DACH1: variants seen among roughly 807,000 people sequenced by gnomAD.
DACH1 encodes the protein dachshund homolog 1.
A neutral mutation model predicts 54.2 loss-of-function variants in DACH1; 12 were observed. That is an observed-to-expected ratio of 0.22 (90% CI 0.14 to 0.36). The LOEUF (loss-of-function observed/expected upper bound fraction) is 0.36, where lower values mean the gene tolerates loss of function less well. DACH1 is among the 10% of genes least tolerant of loss of function. The probability of loss-of-function intolerance (pLI) is 1.00; values close to 1 mark genes in which losing one functional copy is unlikely to be tolerated. For missense variants in DACH1, 805 were observed against 929.8 expected, an observed-to-expected ratio of 0.87 and a Z score of 1.75; for synonymous variants, 386 against 366.2, an observed-to-expected ratio of 1.05 and a Z score of -0.62.
intron 1 of DACH1, among the ~76,000 whole-genome samples, chr13:71,827,868 CT>C (rs1251431194): frequency 6.6e-6 from 1 of 151,930 alleles, no homozygotes; most frequent in East Asian, 1.9e-4. Context: ...GCCTGGGCTC[CT>C]TTTTTGAAAA....
rs550925998 is a variant in DACH1, at chr13:71,827,188, C to T, written c.848+38734G>A. ...CCAGCATGCAAATCCATTTTTATGC[C>T]TCTAAACACAGCTTACTAGTTCCAC... On this transcript the variant is annotated intron_variant, in intron 1 of 10. Transcript: ENST00000613252. Among the ~76,000 whole-genome samples the T allele has an allele frequency of 2.6e-5, 4 of 152,080 alleles. No individual in the cohort carries two copies. The South Asian group carries it at 8.3e-4, about 32-fold the overall frequency.
At chr13:71,677,925 G>A (rs530824090) in intron 2 of DACH1, among the ~76,000 whole-genome samples, 23 of 152,102 alleles carry the variant, frequency 1.5e-4, no homozygotes, top group South Asian at 1.5e-3. Flanking sequence ...TCACCATGTT[G>A]GCCAGGATGG....
chr13:71,544,126 C>T (rs1883315138), intron 6 of DACH1, among the ~76,000 whole-genome samples: 1 of 152,124 alleles, frequency 6.6e-6, no homozygotes, highest in Admixed American at 6.6e-5. Flanking sequence ...ACCACTAAAG[C>T]ACTCAACTGC....
At chr13:71,699,411 T>C (rs1294661599) in intron 1 of DACH1, among the ~76,000 whole-genome samples, 1 of 152,212 alleles carries the variant, frequency 6.6e-6, no homozygotes, top group African/African-American at 2.4e-5. Context: ...AGCTTTTCCT[T>C]CTTTAGGCTT....
intron 1 of DACH1, among the ~76,000 whole-genome samples, chr13:71,706,289 T>C (rs537077910): frequency 6.0e-5 from 9 of 149,040 alleles, no homozygotes; most frequent in Admixed American, 5.3e-4. Context: ...TAAAACATAT[T>C]ATTAGCCTTT....
intron 4 of DACH1, among the ~76,000 whole-genome samples, chr13:71,572,337 T>C (rs1234118405): frequency 2.0e-5 from 3 of 152,168 alleles, no homozygotes; most frequent in Non-Finnish European, 4.4e-5. Flanking sequence ...AATGTTACCT[T>C]TAATTTAGTG....
intron 6 of DACH1, among the ~76,000 whole-genome samples, chr13:71,529,198 T>G (rs868702056): frequency 2.1e-5 from 3 of 145,372 alleles, no homozygotes; most frequent in African/African-American, 8.2e-5. Context: ...TTTTTTTTTT[T>G]TTTTTTGAGG....
At chr13:71,646,272 G>T (rs1300922503) in intron 2 of DACH1, among the ~76,000 whole-genome samples, 3 of 151,394 alleles carry the variant, frequency 2.0e-5, no homozygotes, top group African/African-American at 7.3e-5. Context: ...GGGAGGCAGA[G>T]CTTGCAGTGA....
intron 1 of DACH1, among the ~76,000 whole-genome samples, chr13:71,782,430 G>A (rs973625521): frequency 6.6e-6 from 1 of 152,122 alleles, no homozygotes; most frequent in African/African-American, 2.4e-5. Context: ...GACAGCAGGA[G>A]ACTGTCTCAA....
intron 1 of DACH1, among the ~76,000 whole-genome samples, chr13:71,796,095 T>A (rs576747628): frequency 6.6e-6 from 1 of 152,252 alleles, no homozygotes; most frequent in African/African-American, 2.4e-5. Context: ...TTTTAAGAAA[T>A]CTCTTCTAGA....
intron 6 of DACH1, among the ~76,000 whole-genome samples, chr13:71,495,604 C>T (rs1455210503): frequency 1.3e-5 from 2 of 151,874 alleles, no homozygotes; most frequent in Admixed American, 6.6e-5. Context: ...TCTAGGCACT[C>T]TCGGCTTAAT....
intron 1 of DACH1, among the ~76,000 whole-genome samples, chr13:71,784,394 T>C (rs1886508252): frequency 6.6e-6 from 1 of 152,102 alleles, no homozygotes; most frequent in African/African-American, 2.4e-5. Context: ...AAAAAGAAAG[T>C]AGAAAATTTT....
intron 6 of DACH1, among the ~76,000 whole-genome samples, chr13:71,547,575 CACAT>C (rs1566331097): frequency 6.6e-6 from 1 of 152,054 alleles, no homozygotes; most frequent in African/African-American, 2.4e-5. Context: ...CAGAAGTTAT[CACAT>C]ACCTCTCTAG....
Position 71,524,111 on chromosome 13 carries a change from C to T in DACH1, c.1570+32913G>A, listed in dbSNP as rs555410350. Among the ~76,000 whole-genome samples, 37 of 152,196 alleles carry T rather than the reference C, an allele frequency of 2.4e-4. 1 individual carries two copies. The South Asian group carries it at 2.7e-3, about 11-fold the overall frequency. On this transcript the variant is annotated intron_variant, in intron 6 of 10. Transcript: ENST00000613252. The stretch of plus-strand genomic sequence containing the variant: ...ACTAAAACCCTAAATTTAACTTGTG[C>T]CATTTCCTGGCGATTCTCTTCAAAT...
At chr13:71,722,539 C>T (rs1398327597) in intron 1 of DACH1, among the ~76,000 whole-genome samples, 3 of 152,080 alleles carry the variant, frequency 2.0e-5, no homozygotes, top group Non-Finnish European at 4.4e-5. Flanking sequence ...TGAAAACTAT[C>T]ATCATAGTGA....
chr13:71,454,935 A>T (rs528041596), intron 10 of DACH1, among the ~76,000 whole-genome samples: 1 of 152,214 alleles, frequency 6.6e-6, no homozygotes, highest in African/African-American at 2.4e-5. Flanking sequence ...TGTTCTGGTC[A>T]ATGTCACAGG....
intron 6 of DACH1, among the ~76,000 whole-genome samples, chr13:71,550,413 T>C (rs1883734844): frequency 6.6e-6 from 1 of 152,086 alleles, no homozygotes; most frequent in African/African-American, 2.4e-5. Context: ...AAGGCATACA[T>C]ATCCCATGTA....
chr13:71,507,369 AAC>A (rs1272953846), intron 6 of DACH1, among the ~76,000 whole-genome samples: 1 of 152,202 alleles, frequency 6.6e-6, no homozygotes, highest in African/African-American at 2.4e-5. Flanking sequence ...CTATAACAAT[AAC>A]TTCAAAAATC....
At chr13:71,541,313 G>T (rs556381269) in intron 6 of DACH1, among the ~76,000 whole-genome samples, 1 of 152,088 alleles carries the variant, frequency 6.6e-6, no homozygotes, top group East Asian at 1.9e-4. Flanking sequence ...TATTTTTATA[G>T]TTTCCTGAAA....
Sources: gnomAD v4.1 joint callset for allele counts (sites outside exome capture counted in the v4.1 genomes callset) on GRCh38, gnomAD v4.1.1 for gene constraint, MANE v1.5 for transcripts, NCBI Gene and HGNC (gene_info 2026-07-23, HGNC 2026-07-21) for gene names.